ELAPOR2: variants seen among roughly 807,000 people sequenced by gnomAD.
The protein encoded by ELAPOR2 is endosome/lysosome-associated apoptosis and autophagy regulator family member 2.
ELAPOR2 carries 89 observed loss-of-function variants against 120.7 expected under a neutral mutation model. The ratio of observed to expected loss-of-function variants is 0.74; its 90% confidence interval spans 0.62 to 0.88. ELAPOR2 has a LOEUF of 0.88. Among genes scored for constraint, ELAPOR2 ranks in the 40% least tolerant of loss-of-function variants. ELAPOR2 has a pLI of 0.00. For missense variants in ELAPOR2, 1,134 were observed against 1,251.6 expected (o/e 0.91, Z 1.42); for synonymous variants, 444 against 444.9 (o/e 1.00, Z 0.03).
intron 18 of ELAPOR2, among the ~76,000 whole-genome samples, chr7:86,905,805 A>G (rs1788985592): frequency 6.6e-6 from 1 of 152,174 alleles, no homozygotes; most frequent in African/African-American, 2.4e-5. Context: ...ACCCCAAGGT[A>G]TTCTGCTGCA....
chr7:86,987,622 A>C (rs1225709705), intron 1 of ELAPOR2, among the ~76,000 whole-genome samples: 1 of 152,110 alleles, frequency 6.6e-6, no homozygotes, highest in Non-Finnish European at 1.5e-5. Context: ...GTCATCAGAG[A>C]AATGCAAATC....
At chr7:86,988,642 C>T (rs540611503) in intron 1 of ELAPOR2, among the ~76,000 whole-genome samples, 3 of 152,300 alleles carry the variant, frequency 2.0e-5, no homozygotes. Flanking sequence ...ATCATAGTAA[C>T]TGCCATTACT....
At chr7:86,882,595 CACTA>C (rs1799463716) in intron 21 of ELAPOR2, among the ~76,000 whole-genome samples, 1 of 152,076 alleles carries the variant, frequency 6.6e-6, no homozygotes, top group South Asian at 2.1e-4. Flanking sequence ...TAGGTAGTGC[CACTA>C]ACTGACTGGG....
At chr7:87,045,808 C>T (rs895982477) in intron 1 of ELAPOR2, among the ~76,000 whole-genome samples, 16 of 151,216 alleles carry the variant, frequency 1.1e-4, no homozygotes, top group East Asian at 9.7e-4. Flanking sequence ...CATACCTCAA[C>T]GTAATAAAAG....
intron 1 of ELAPOR2, among the ~76,000 whole-genome samples, chr7:87,024,923 A>T (rs1052373598): frequency 1.3e-5 from 2 of 152,030 alleles, no homozygotes; most frequent in Non-Finnish European, 2.9e-5. Context: ...TTTATTTTTT[A>T]AAATAAAAAG....
rs370803630 is a variant in ELAPOR2 at position 86,926,903 on chromosome 7, T to C, written c.1103A>G (p.Tyr368Cys). ...CDEEGKTQIM[Y>C]KWIEPKICRE... ...GCAGATTTTGGGCTCTATCCACTTGTACATTATCTGTGTCTACAAAAAAAA... is the reference window on the plus strand; with the variant it reads ...GCAGATTTTGGGCTCTATCCACTTGCACATTATCTGTGTCTACAAAAAAAA... The change falls in exon 9 of 22, where the codon TAC becomes TGC. Residue 368 changes from tyrosine (Y) to cysteine (C), a missense_variant. Around this residue, in one of 3 missense-constraint regions of ELAPOR2, gnomAD observed 831 missense variants for 867.6 expected, o/e 0.96. Transcript: ENST00000450689. 4 of 1,314,086 alleles carry C rather than the reference T, an allele frequency of 3.0e-6. No homozygotes were observed. The highest frequency in any genetic ancestry group is 2.6e-5 in the East Asian group (1 of 38,128). The allele number at this position is 1,314,086 out of a possible 1,614,324, so 81.4% of individuals were successfully genotyped here. A position where few individuals can be genotyped will look rare whatever the true frequency, so the allele number is the denominator to read the frequency against.
At chr7:87,049,406 C>G (rs1003923028) in intron 1 of ELAPOR2, among the ~76,000 whole-genome samples, 55 of 152,088 alleles carry the variant, frequency 3.6e-4, no homozygotes, top group Non-Finnish European at 8.8e-5. Flanking sequence ...CTCAGCCTCC[C>G]GAGCAGCTGG....
At chr7:86,946,896 C>T (rs1383749805) in intron 3 of ELAPOR2, among the ~76,000 whole-genome samples, 3 of 152,170 alleles carry the variant, frequency 2.0e-5, no homozygotes, top group African/African-American at 7.2e-5. Flanking sequence ...AACACACACT[C>T]TCTCAAGGAA....
At chr7:87,019,606 C>A (rs1282435122) in intron 1 of ELAPOR2, among the ~76,000 whole-genome samples, 3 of 152,044 alleles carry the variant, frequency 2.0e-5, no homozygotes, top group Non-Finnish European at 4.4e-5. Context: ...ATGAACTGGA[C>A]ACTATTTTTG....
chr7:87,059,469 C>T lies in ELAPOR2; in HGVS notation c.45G>A (p.Gly15=). ...ARGPVRGRGW[G]RPAEAPRRGR... Reference sequence around the variant, plus strand: ...CGCGGCGGGGAGCCTCCGCCGGCCGCCCCCAGCCCCTGCCCCGTACCGGCC... The same window carrying T: ...CGCGGCGGGGAGCCTCCGCCGGCCGTCCCCAGCCCCTGCCCCGTACCGGCC... The change falls in exon 1 of 22, where the codon GGG becomes GGA. Residue 15 remains glycine (G), a synonymous_variant. Coordinates refer to ENST00000450689, the MANE Select transcript of ELAPOR2 (RefSeq NM_001142749.3). The T allele has an allele frequency of 1.6e-6, 2 of 1,217,900 alleles. No homozygotes were observed. The highest frequency in any genetic ancestry group is 2.0e-6 in the Non-Finnish European group (2 of 977,368). The allele number at this position is 1,217,900 out of a possible 1,614,324, so 75.4% of individuals were successfully genotyped here. A position where few individuals can be genotyped will look rare whatever the true frequency, so the allele number is the denominator to read the frequency against.
intron 1 of ELAPOR2, among the ~76,000 whole-genome samples, chr7:87,054,985 G>A (rs142961971): frequency 6.1e-4 from 93 of 152,154 alleles, no homozygotes; most frequent in African/African-American, 2.0e-3. Context: ...TGAACTCCTC[G>A]GTTTCTGTCC....
Position 87,045,595 on chromosome 7 carries a change from C to G in ELAPOR2, c.189+13730G>C, listed in dbSNP as rs996603954. ...GACACAGGAAGGGGAATATCACACTCTGGGGGCTGTTGTGGGGTGGGGGGA... is the reference window on the plus strand; with the variant it reads ...GACACAGGAAGGGGAATATCACACTGTGGGGGCTGTTGTGGGGTGGGGGGA... On this transcript the variant is annotated intron_variant, in intron 1 of 21. Transcript: ENST00000450689. 1.9e-4 allele frequency among the ~76,000 whole-genome samples: 23 copies of G among 119,106 alleles called. No homozygotes were observed. The Admixed American group carries it at 2.1e-3, about 11-fold the overall frequency. The allele number at this position is 119,106 out of a possible 152,430, so 78.1% of individuals were successfully genotyped here.
chr7:86,943,557 T>C (rs74677256), intron 4 of ELAPOR2, among the ~76,000 whole-genome samples: 85 of 152,116 alleles, frequency 5.6e-4, no homozygotes, highest in East Asian at 3.3e-3. Flanking sequence ...TTTCAGATTA[T>C]AACCAGAACA....
chr7:87,006,953 A>G (rs1324410952), intron 1 of ELAPOR2, among the ~76,000 whole-genome samples: 2 of 152,220 alleles, frequency 1.3e-5, no homozygotes, highest in Non-Finnish European at 2.9e-5. Context: ...AGCCAGACAC[A>G]CACACAAAAG....
At chr7:86,989,732 T>C (rs1792879168) in intron 1 of ELAPOR2, among the ~76,000 whole-genome samples, 1 of 152,156 alleles carries the variant, frequency 6.6e-6, no homozygotes, top group African/African-American at 2.4e-5. Flanking sequence ...TTCTTTAAAT[T>C]GAAATCTTAA....
intron 3 of ELAPOR2, among the ~76,000 whole-genome samples, 176 bp from the exon 4 acceptor site, chr7:86,945,222 T>C (rs940706098): frequency 7.2e-5 from 11 of 152,222 alleles, no homozygotes; most frequent in African/African-American, 2.4e-4. Flanking sequence ...CCATTTCTTA[T>C]GGCAAATAAC....
At chr7:86,987,731 GC>G (rs1399233749) in intron 1 of ELAPOR2, among the ~76,000 whole-genome samples, 3 of 150,842 alleles carry the variant, frequency 2.0e-5, no homozygotes, top group African/African-American at 4.9e-5. Flanking sequence ...AAATAGGAAC[GC>G]TTTTACACTG....
At chr7:87,040,390 A>G (rs914666369) in intron 1 of ELAPOR2, among the ~76,000 whole-genome samples, 1 of 152,192 alleles carries the variant, frequency 6.6e-6, no homozygotes, top group South Asian at 2.1e-4. Flanking sequence ...CTTTGAAGAG[A>G]GCAGTGGTTC....
intron 4 of ELAPOR2, 150 bp downstream of exon 4, chr7:86,944,749 A>G (rs1434933482): frequency 3.5e-6 from 2 of 572,162 alleles, no homozygotes; most frequent in African/African-American, 1.9e-5. Flanking sequence ...AAAAGAGATT[A>G]AAGTTTTCTT....
Sources: allele counts gnomAD v4.1 joint callset (sites outside exome capture counted in the v4.1 genomes callset), GRCh38; gene constraint gnomAD v4.1.1; regional missense constraint gnomAD v4.1.1; transcripts MANE v1.5; gene names NCBI Gene and HGNC (gene_info 2026-07-23, HGNC 2026-07-21).